The following CSMD1 variants were observed in gnomAD, a reference collection of about 807,000 sequenced individuals.
The protein encoded by CSMD1 is CUB and Sushi multiple domains 1.
A neutral mutation model predicts 417.5 loss-of-function variants in CSMD1; 213 were observed. That is an observed-to-expected ratio of 0.51 (90% CI 0.46 to 0.57). CSMD1 has a LOEUF of 0.57. Among genes scored for constraint, CSMD1 ranks in the 20% least tolerant of loss-of-function variants. CSMD1 has a pLI of 0.00. For synonymous variants in CSMD1, 2,862 were observed against 1,736.8 expected (o/e 1.65, Z -16.11); for missense variants, 6,923 against 4,529.7 (o/e 1.53, Z -15.17).
intron 3 of CSMD1, among the ~76,000 whole-genome samples, chr8:4,352,402 T>C (rs768387801): frequency 6.6e-6 from 1 of 152,142 alleles, no homozygotes; most frequent in African/African-American, 2.4e-5. Context: ...CCACAGAAAA[T>C]GAGAACACCA....
chr8:4,912,135 A>AAAAAAAAAAAAAAAAAG (rs765904838), intron 1 of CSMD1, among the ~76,000 whole-genome samples: 26 of 115,624 alleles, frequency 2.2e-4, no homozygotes, highest in African/African-American at 4.1e-4. Context: ...AAAAAAAAAA[A>AAAAAAAAAAAAAAAAAG]AAAAAAGAAA....
chr8:3,976,926 G>C (rs944897232), intron 5 of CSMD1, among the ~76,000 whole-genome samples: 9 of 152,156 alleles, frequency 5.9e-5, no homozygotes, highest in African/African-American at 2.2e-4. Flanking sequence ...CATTTACATA[G>C]TGTCTAGTAC....
chr8:4,788,290 C>G (rs150685534), intron 1 of CSMD1: 1 of 1,584,758 alleles, frequency 6.3e-7, no homozygotes, highest in Non-Finnish European at 8.6e-7. Context: ...GTATTTGTGG[C>G]AGTGGCAGGC....
At chr8:4,311,521 G>C (rs980156994) in intron 3 of CSMD1, among the ~76,000 whole-genome samples, 1 of 152,120 alleles carries the variant, frequency 6.6e-6, no homozygotes, top group African/African-American at 2.4e-5. Context: ...TCAGGAGTTC[G>C]AGACCAGCCT....
intron 3 of CSMD1, among the ~76,000 whole-genome samples, chr8:4,134,403 T>C (rs1803294121): frequency 6.6e-6 from 1 of 152,288 alleles, no homozygotes; most frequent in African/African-American, 2.4e-5. Flanking sequence ...CACAAAGGGA[T>C]GACCTTTGAA....
intron 26 of CSMD1, among the ~76,000 whole-genome samples, chr8:3,252,168 TG>T (rs1412075426): frequency 2.6e-5 from 4 of 152,252 alleles, no homozygotes; most frequent in Non-Finnish European, 5.9e-5. Flanking sequence ...TTCCAGTTTT[TG>T]CCCATTCAGT....
chr8:4,031,050 G>T (rs1028462443), intron 4 of CSMD1, among the ~76,000 whole-genome samples: 1 of 152,136 alleles, frequency 6.6e-6, no homozygotes, highest in African/African-American at 2.4e-5. Context: ...CAGCACTTTG[G>T]TCAAAGCTAT....
At chr8:3,876,915 C>T (rs565895125) in intron 5 of CSMD1, among the ~76,000 whole-genome samples, 8 of 152,322 alleles carry the variant, frequency 5.3e-5, no homozygotes, top group Middle Eastern at 3.4e-3. Context: ...TCTGTCCAGC[C>T]TCTCATGCTT....
At chr8:3,772,045 C>A (rs372298607) in intron 5 of CSMD1, among the ~76,000 whole-genome samples, 1 of 151,620 alleles carries the variant, frequency 6.6e-6, no homozygotes, top group African/African-American at 2.4e-5. Context: ...GCTTCTAGTG[C>A]GAGCATCTGA....
chr8:4,134,683 G>C (rs1027806333), intron 3 of CSMD1, among the ~76,000 whole-genome samples: 1 of 151,988 alleles, frequency 6.6e-6, no homozygotes, highest in African/African-American at 2.4e-5. Flanking sequence ...CATCCCTACC[G>C]CCTTTGATTT....
At chr8:3,343,564 G>A (rs993260521) in intron 22 of CSMD1, 114 bp from the exon 23 acceptor site, 2 of 853,428 alleles carry the variant, frequency 2.3e-6, no homozygotes, top group Non-Finnish European at 3.5e-6. Flanking sequence ...TACTTAAAAA[G>A]GCATATAGTT....
At chr8:4,791,530 A>C (rs6558918) in intron 1 of CSMD1, among the ~76,000 whole-genome samples, 15,852 of 152,190 alleles carry the variant, frequency 0.1, 1,324 homozygotes, top group African/African-American at 0.23. Flanking sequence ...AAGTTGTATA[A>C]GAGCCACTGG....
At chr8:3,274,377 TGTG>T (rs1802107045) in intron 26 of CSMD1, among the ~76,000 whole-genome samples, 1 of 152,124 alleles carries the variant, frequency 6.6e-6, no homozygotes, top group East Asian at 1.9e-4. Flanking sequence ...GTAGGTGTGG[TGTG>T]GTGCTGAAAA....
chr8:4,364,077 G>A (rs2128908992), intron 3 of CSMD1, among the ~76,000 whole-genome samples: 1 of 152,254 alleles, frequency 6.6e-6, no homozygotes, highest in Admixed American at 6.5e-5. Flanking sequence ...AAAGTTAAGT[G>A]CTTGAGGGAA....
At chr8:4,168,004 C>T (rs1231044423) in intron 3 of CSMD1, among the ~76,000 whole-genome samples, 1 of 151,956 alleles carries the variant, frequency 6.6e-6, no homozygotes. Context: ...TGGCAGACTC[C>T]TGTAATCCCA....
chr8:4,793,443 T>G (rs1421149549), intron 1 of CSMD1, among the ~76,000 whole-genome samples: 1 of 152,046 alleles, frequency 6.6e-6, no homozygotes, highest in African/African-American at 2.4e-5. Context: ...CTTTATCACT[T>G]TCTCCTCCAG....
chr8:4,148,770 C>G (rs1322098673), intron 3 of CSMD1, among the ~76,000 whole-genome samples: 9 of 152,238 alleles, frequency 5.9e-5, no homozygotes, highest in African/African-American at 2.2e-4. Context: ...TGCCATCACC[C>G]TGAGTTTAGA....
intron 5 of CSMD1, among the ~76,000 whole-genome samples, chr8:3,987,014 C>T (rs944392904): frequency 6.6e-6 from 1 of 152,320 alleles, no homozygotes; most frequent in Middle Eastern, 3.4e-3. Context: ...CTCAGCCTCC[C>T]AAAGTGCTGG....
At chr8:4,330,826 A>G (rs556439993) in intron 3 of CSMD1, among the ~76,000 whole-genome samples, 6 of 152,202 alleles carry the variant, frequency 3.9e-5, no homozygotes, top group African/African-American at 9.6e-5. Flanking sequence ...ATTCTTGCAC[A>G]TGCAGCTCAT....
Sources: allele counts gnomAD v4.1 joint callset (sites outside exome capture counted in the v4.1 genomes callset), GRCh38; gene constraint gnomAD v4.1.1; transcripts MANE v1.5; gene names NCBI Gene and HGNC (gene_info 2026-07-23, HGNC 2026-07-21).